PDE1A: variants seen among roughly 807,000 people sequenced by gnomAD.
The protein encoded by PDE1A is phosphodiesterase 1A, also known as dual specificity calcium/calmodulin-dependent 3',5'-cyclic nucleotide phosphodiesterase 1A.
Under a neutral mutation model 61.7 loss-of-function variants are expected in PDE1A, and 35 were observed. The observed-to-expected ratio is 0.57, with a 90% CI of 0.43 to 0.75. PDE1A has a LOEUF of 0.75. Ranked by LOEUF, PDE1A falls within the 30% of genes least tolerant of loss-of-function variation. The pLI is 0.00. For synonymous variants in PDE1A, 232 were observed against 213.2 expected, an observed-to-expected ratio of 1.09 and a Z score of -0.77; for missense variants, 597 against 630.6, an observed-to-expected ratio of 0.95 and a Z score of 0.57.
At chr2:182,292,418 T>A (rs776749292) in intron 1 of PDE1A, among the ~76,000 whole-genome samples, 2 of 152,136 alleles carry the variant, frequency 1.3e-5, no homozygotes, top group Non-Finnish European at 2.9e-5. Context: ...ATATTTTAAA[T>A]AATTTTTAAT....
chr2:182,402,142 C>A (rs749263297), intron 1 of PDE1A, among the ~76,000 whole-genome samples: 1 of 152,162 alleles, frequency 6.6e-6, no homozygotes, highest in Non-Finnish European at 1.5e-5. Flanking sequence ...CAAGCTACCA[C>A]TGACTTTCTT....
chr2:182,252,722 C>T (rs1691493089), intron 2 of PDE1A, among the ~76,000 whole-genome samples: 1 of 152,170 alleles, frequency 6.6e-6, no homozygotes, highest in Non-Finnish European at 1.5e-5. Flanking sequence ...AATGCCCCAC[C>T]CTATCCCCAG....
At chr2:182,168,361 T>G in intron 13 of PDE1A, 1 of 1,365,132 alleles carries the variant, frequency 7.3e-7, no homozygotes, top group South Asian at 1.3e-5. Context: ...TGAAAAAAAG[T>G]AATTCTCATT....
the PDE1A span, among the ~76,000 whole-genome samples, chr2:182,624,187 C>CA: frequency 6.6e-6 from 1 of 151,108 alleles, no homozygotes; most frequent in African/African-American, 2.4e-5. Flanking sequence ...CACTGAAATC[C>CA]AAAAAAGATA....
intron 1 of PDE1A, among the ~76,000 whole-genome samples, chr2:182,351,890 A>C (rs1171277370): frequency 6.6e-6 from 1 of 152,212 alleles, no homozygotes; most frequent in Non-Finnish European, 1.5e-5. Flanking sequence ...AAATAGGTAG[A>C]TGCATATTAA....
intron 10 of PDE1A, among the ~76,000 whole-genome samples, chr2:182,200,542 A>G (rs144552290): frequency 1.3e-5 from 2 of 152,212 alleles, no homozygotes; most frequent in African/African-American, 4.8e-5. Flanking sequence ...ATAGCAAGGA[A>G]GCTCTGCATC....
At chr2:182,662,519 C>A in the PDE1A span, among the ~76,000 whole-genome samples, 3 of 151,924 alleles carry the variant, frequency 2.0e-5, no homozygotes, top group South Asian at 2.1e-4. Flanking sequence ...GAATAGAGAG[C>A]GCAGAAATAA....
chr2:182,364,445 G>C lies in PDE1A; in HGVS notation c.53+62133C>G, dbSNP rs190406282. ...TAATATTGCTTTCACAGCATTCTCA[G>C]ACTATATTAGAACACTTTGGTAAAA... On this transcript the variant is annotated intron_variant, in intron 1 of 13. Coordinates refer to ENST00000351439, the Ensembl canonical transcript of PDE1A. 3.7e-3 allele frequency among the ~76,000 whole-genome samples: 362 copies of C among 96,898 alleles called. 3 individuals are homozygous for C. Among genetic ancestry groups the C allele is most frequent in the African/African-American group, 0.013 (343 of 25,804 alleles). 63.6% of individuals were successfully genotyped at this position (96,898 alleles called of 152,430 possible). A position where few individuals can be genotyped will look rare whatever the true frequency, so the allele number is the denominator to read the frequency against.
At chr2:182,658,047 T>TAAA in the PDE1A span, among the ~76,000 whole-genome samples, 1,086 of 66,182 alleles carry the variant, frequency 0.016, 19 homozygotes, top group East Asian at 0.018. Context: ...AGCTTCTCAG[T>TAAA]AAAAAAAAAA....
intron 1 of PDE1A, among the ~76,000 whole-genome samples, chr2:182,327,647 T>G (rs375002765): frequency 3.9e-5 from 6 of 152,184 alleles, no homozygotes; most frequent in African/African-American, 1.2e-4. Context: ...GACTGAGCTA[T>G]GACCACTGGG....
At chr2:182,662,928 G>A in the PDE1A span, among the ~76,000 whole-genome samples, 1 of 152,170 alleles carries the variant, frequency 6.6e-6, no homozygotes, top group African/African-American at 2.4e-5. Flanking sequence ...TGCAAACTAT[G>A]CATCTGACAG....
chr2:182,645,238 G>A, the PDE1A span, among the ~76,000 whole-genome samples: 20 of 150,992 alleles, frequency 1.3e-4, no homozygotes, highest in East Asian at 2.3e-3. Context: ...TGCCCGCCTC[G>A]GCCTCCCAAA....
At chr2:182,264,202 A>G in intron 2 of PDE1A, 99 bp downstream of exon 2, 1 of 719,754 alleles carries the variant, frequency 1.4e-6, no homozygotes, top group Admixed American at 2.6e-5. Context: ...TCACAGGAAG[A>G]TATGCTAAAT....
At chr2:182,583,492 A>G in the PDE1A span, among the ~76,000 whole-genome samples, 6 of 152,292 alleles carry the variant, frequency 3.9e-5, no homozygotes, top group African/African-American at 1.4e-4. Context: ...GCCTTGCTCT[A>G]AGTTGTAAAC....
the PDE1A span, among the ~76,000 whole-genome samples, chr2:182,641,068 G>C: frequency 4.2e-5 from 6 of 143,676 alleles, no homozygotes; most frequent in Admixed American, 2.7e-4. Flanking sequence ...CAAAGCAAGA[G>C]AACAAACCAT....
At chr2:182,250,625 G>A (rs1197502189) in intron 2 of PDE1A, among the ~76,000 whole-genome samples, 2 of 151,604 alleles carry the variant, frequency 1.3e-5, no homozygotes, top group Non-Finnish European at 2.9e-5. Context: ...GCCTCTCCTC[G>A]ACCCAACTTT....
At chr2:182,166,316 G>A (rs1363244475), downstream of PDE1A, among the ~76,000 whole-genome samples, 2 of 152,130 alleles carry the variant, frequency 1.3e-5, no homozygotes, top group Non-Finnish European at 2.9e-5. Context: ...AGCTGGGGGA[G>A]CAGCTGGGAC....
intron 2 of PDE1A, among the ~76,000 whole-genome samples, chr2:182,516,761 AAAAGAAAG>A (rs1320717460): frequency 5.6e-5 from 6 of 107,520 alleles, no homozygotes; most frequent in East Asian, 2.7e-4. Context: ...GAAAGAAAGA[AAAAGAAAG>A]AAAGAAAGAA....
At position 182,189,078 on chromosome 2, in the gene PDE1A, C is replaced by T. The variant is rs1685481034; in HGVS notation, c.1126-18G>A. The T allele has an allele frequency of 1.3e-6, 2 of 1,568,494 alleles. No individual in the cohort carries two copies. The highest frequency in any genetic ancestry group is 1.8e-6 in the Non-Finnish European group (2 of 1,140,684). On this transcript the variant is annotated intron_variant, in intron 10 of 13. Transcript: ENST00000351439. ...TTATCTCCCTGGAGAAAGAAAAGCACATTAATATAGACTTGGGTTGGAGAA... is the reference window on the plus strand; with the variant it reads ...TTATCTCCCTGGAGAAAGAAAAGCATATTAATATAGACTTGGGTTGGAGAA...
Sources: allele counts gnomAD v4.1 joint callset (sites outside exome capture counted in the v4.1 genomes callset), GRCh38; gene constraint gnomAD v4.1.1; transcripts MANE v1.5; gene names NCBI Gene and HGNC (gene_info 2026-07-23, HGNC 2026-07-21).